VCAN: variants seen among roughly 807,000 people sequenced by gnomAD.
VCAN encodes versican core protein.
A neutral mutation model predicts 245.5 loss-of-function variants in VCAN; 44 were observed. The ratio of observed to expected loss-of-function variants is 0.18; its 90% CI spans 0.14 to 0.23. The LOEUF (loss-of-function observed/expected upper bound fraction) is 0.23. Ranked by LOEUF, VCAN falls within the 10% of genes least tolerant of loss-of-function variation. The pLI is 1.00. For missense variants in VCAN, 3,793 were observed against 4,057.9 expected (o/e 0.93, Z 1.77); for synonymous variants, 1,413 against 1,437.0 (o/e 0.98, Z 0.38).
chr5:83,571,747 A>C (rs1325079432), intron 12 of VCAN, among the ~76,000 whole-genome samples: 1 of 152,224 alleles, frequency 6.6e-6, no homozygotes, highest in Non-Finnish European at 1.5e-5. Context: ...ATTTCATATT[A>C]AATCATAAAG....
intron 9 of VCAN, among the ~76,000 whole-genome samples, chr5:83,547,445 G>A (rs1016019272): frequency 6.6e-6 from 1 of 152,146 alleles, no homozygotes; most frequent in African/African-American, 2.4e-5. Flanking sequence ...TGGAATGTTT[G>A]GAAGTAAAAG....
At chr5:83,552,216 C>G (rs979059597) in intron 10 of VCAN, among the ~76,000 whole-genome samples, 1 of 152,170 alleles carries the variant, frequency 6.6e-6, no homozygotes, top group African/African-American at 2.4e-5. Context: ...AAGAGACAAT[C>G]TGAGTTTCAA....
chr5:83,577,239 C>T (rs1404537801), intron 13 of VCAN, among the ~76,000 whole-genome samples: 1 of 152,022 alleles, frequency 6.6e-6, no homozygotes, highest in Non-Finnish European at 1.5e-5. Context: ...ATCGTGAGTT[C>T]CTCAAATCTT....
rs760778774 is a variant in VCAN, at chr5:83,541,208, T to A, written c.8205T>A (p.Ser2735Arg). ...LSDGQAIADQSEIIPTLGQFE... is the reference protein window; with the variant it reads ...LSDGQAIADQREIIPTLGQFE... The stretch of plus-strand genomic sequence containing the variant: ...ATGGTCAAGCTATTGCAGACCAAAG[T>A]GAAATAATACCAACATTGGGCCAAT... Residue 2735 changes from serine (S) to arginine (R), a missense_variant, in exon 8 of 15, where the codon AGT becomes AGA. Ser to Arg is a moderately radical substitution (Grantham distance 110). Around this residue, in one of 5 missense-constraint regions of VCAN, gnomAD observed 3,182 missense variants for 3,250.3 expected, o/e 0.98. Coordinates refer to ENST00000265077, the MANE Select transcript of VCAN (RefSeq NM_004385.5). 8.1e-6 allele frequency: 13 copies of A among 1,613,976 alleles called. No individual in the cohort carries two copies. Among genetic ancestry groups the A allele is most frequent in the Non-Finnish European group, 1.1e-5 (13 of 1,179,994 alleles).
chr5:83,568,466 C>A (rs1748165341), intron 12 of VCAN, among the ~76,000 whole-genome samples: 1 of 152,136 alleles, frequency 6.6e-6, no homozygotes, highest in South Asian at 2.1e-4. Context: ...ATGTAATTCT[C>A]ACCCAAAACA....
At chr5:83,483,003 C>T (rs190822920) in intron 1 of VCAN, among the ~76,000 whole-genome samples, 2 of 152,324 alleles carry the variant, frequency 1.3e-5, no homozygotes, top group East Asian at 3.9e-4. Flanking sequence ...GTATTATGTG[C>T]ATGAACCACC....
chr5:83,519,860 A>AC lies in VCAN; in HGVS notation c.1556dup (p.Leu520IlefsTer13), dbSNP rs769061138. 1 of 1,614,168 alleles carries AC rather than the reference A, an allele frequency of 6.2e-7. No individual in the cohort carries two copies. Among genetic ancestry groups the AC allele is most frequent in the Non-Finnish European group, 8.5e-7 (1 of 1,180,000 alleles). On this transcript the variant is annotated frameshift_variant, in exon 7 of 15. Coordinates refer to ENST00000265077, the MANE Select transcript of VCAN (RefSeq NM_004385.5). LOFTEE classifies it high-confidence loss of function. The stretch of plus-strand genomic sequence containing the variant: ...CCAAGGAATTCCCTGTAACTGAAAC[A>AC]CCATTGGTAACTGCAAGAATGATCC...
chr5:83,548,405 T>C (rs143307532), intron 10 of VCAN, among the ~76,000 whole-genome samples: 1 of 152,304 alleles, frequency 6.6e-6, no homozygotes, highest in Admixed American at 6.5e-5. Context: ...CTGAATTCAA[T>C]ATTAGCTGTT....
chr5:83,519,541 C>T lies in VCAN; in HGVS notation c.1235C>T (p.Pro412Leu), dbSNP rs1745989925. 1.2e-6 allele frequency: 2 copies of T among 1,614,148 alleles called. No individual in the cohort carries two copies. Among genetic ancestry groups the T allele is most frequent in the East Asian group, 2.2e-5 (1 of 44,884 alleles). ...TTTGAACAGAAAGCCACAGTCCAAC[C>T]TCAGGCTATCACAGATAGTTTAGCC... is the stretch of plus-strand genomic sequence containing the variant. ...VSFEQKATVQ[P>L]QAITDSLATK... Residue 412 changes from proline to leucine, a missense_variant, in exon 7 of 15, where the codon CCT becomes CTT. Around this residue, in one of 5 missense-constraint regions of VCAN, gnomAD observed 3,182 missense variants for 3,250.3 expected, o/e 0.98. Coordinates refer to ENST00000265077, the MANE Select transcript of VCAN (RefSeq NM_004385.5).
At chr5:83,555,141 A>C (rs1168782909) in intron 12 of VCAN, 103 bp downstream of exon 12, 2 of 1,199,358 alleles carry the variant, frequency 1.7e-6, no homozygotes, top group East Asian at 2.4e-5. Flanking sequence ...AGGCAAGTTA[A>C]ATGACTTGCT....
intron 13 of VCAN, among the ~76,000 whole-genome samples, chr5:83,576,559 T>C (rs1748487960): frequency 6.6e-6 from 1 of 152,182 alleles, no homozygotes; most frequent in African/African-American, 2.4e-5. Context: ...TGGTCAACTT[T>C]TGTGAGTTTC....
At chr5:83,574,321 A>C (rs867683298) in intron 13 of VCAN, among the ~76,000 whole-genome samples, 26 of 152,204 alleles carry the variant, frequency 1.7e-4, no homozygotes, top group Admixed American at 6.5e-5. Flanking sequence ...TAATCCAGTC[A>C]TGTTGACACC....
At chr5:83,556,238 TAGGTTG>T in intron 12 of VCAN, among the ~76,000 whole-genome samples, 1 of 152,316 alleles carries the variant, frequency 6.6e-6, no homozygotes, top group Admixed American at 6.5e-5. Flanking sequence ...GAAGGTCAGT[TAGGTTG>T]AGCTATTTGC....
At chr5:83,546,273 C>T (rs1212249889) in intron 9 of VCAN, among the ~76,000 whole-genome samples, 1 of 151,108 alleles carries the variant, frequency 6.6e-6, no homozygotes, top group Non-Finnish European at 1.5e-5. Context: ...GTTGATTTGG[C>T]TACATATAGA....
chr5:83,533,351 A>G (rs1475240530), intron 7 of VCAN, among the ~76,000 whole-genome samples: 1 of 152,154 alleles, frequency 6.6e-6, no homozygotes, highest in Non-Finnish European at 1.5e-5. Context: ...TCCCATTAAA[A>G]TAGGAGAAAA....
At chr5:83,565,346 G>C (rs956674390) in intron 12 of VCAN, among the ~76,000 whole-genome samples, 1 of 151,784 alleles carries the variant, frequency 6.6e-6, no homozygotes, top group Non-Finnish European at 1.5e-5. Flanking sequence ...CAAGTCTTAG[G>C]TCTTAGGCAC....
chr5:83,550,784 G>A (rs1047382669), intron 10 of VCAN, among the ~76,000 whole-genome samples: 1 of 151,038 alleles, frequency 6.6e-6, no homozygotes, highest in Non-Finnish European at 1.5e-5. Flanking sequence ...CTAATCAGGA[G>A]GCAGAGGCAG....
Position 83,542,141 on chromosome 5 carries a change from A to G in VCAN, c.9138A>G (p.Val3046=), listed in dbSNP as rs548159810. Reference sequence around the variant, plus strand: ...TTGATTCCAATGATCAGGCAACAGTAAACCCTGTGGAATTTAATACTGAGG... The same window carrying G: ...TTGATTCCAATGATCAGGCAACAGTGAACCCTGTGGAATTTAATACTGAGG... ...RILDSNDQAT[V]NPVEFNTEVA... Residue 3046 remains valine, a synonymous_variant, in exon 8 of 15, where the codon GTA becomes GTG. Coordinates refer to ENST00000265077, the MANE Select transcript of VCAN (RefSeq NM_004385.5). 52 of 1,614,132 alleles carry G rather than the reference A, an allele frequency of 3.2e-5. No homozygotes were observed. The South Asian group carries it at 5.4e-4, about 17-fold the overall frequency.
chr5:83,556,316 CCA>C (rs752825934), intron 12 of VCAN, among the ~76,000 whole-genome samples: 5 of 152,168 alleles, frequency 3.3e-5, no homozygotes, highest in Non-Finnish European at 2.9e-5. Flanking sequence ...GTCTCCAAAG[CCA>C]CAGTTTCTTC....
Sources: allele counts gnomAD v4.1 joint callset (sites outside exome capture counted in the v4.1 genomes callset), GRCh38; gene constraint gnomAD v4.1.1; regional missense constraint gnomAD v4.1.1; transcripts MANE v1.5; gene names NCBI Gene and HGNC (gene_info 2026-07-23, HGNC 2026-07-21).